The following SLAMF6 variants were observed in gnomAD, a reference collection of about 807,000 sequenced individuals.
The protein encoded by SLAMF6 is NK-T-B-antigen.
Under a neutral mutation model 38.3 loss-of-function variants are expected in SLAMF6, and 21 were observed. The observed-to-expected ratio is 0.55, with a 90% confidence interval of 0.39 to 0.79. SLAMF6 has a LOEUF of 0.79. Among genes scored for constraint, SLAMF6 ranks in the 30% least tolerant of loss-of-function variants. The probability of loss-of-function intolerance (pLI) is 0.00; values close to 1 mark genes in which losing one functional copy is unlikely to be tolerated. For missense variants in SLAMF6, 341 were observed against 385.3 expected (o/e 0.89, Z 0.96); for synonymous variants, 152 against 146.3 (o/e 1.04, Z -0.28).
chr1:160,510,481 A>T (rs890786468), intron 1 of SLAMF6, among the ~76,000 whole-genome samples: 1 of 152,204 alleles, frequency 6.6e-6, no homozygotes, highest in African/African-American at 2.4e-5. Flanking sequence ...CAGAATGAAG[A>T]AAAATAGACT....
At chr1:160,498,433 C>T (rs1653710957) in intron 1 of SLAMF6, among the ~76,000 whole-genome samples, 1 of 152,098 alleles carries the variant, frequency 6.6e-6, no homozygotes, top group Non-Finnish European at 1.5e-5. Flanking sequence ...CTGGGGAGGC[C>T]ATGGCACTCA....
intron 2 of SLAMF6, among the ~76,000 whole-genome samples, chr1:160,493,207 G>A (rs554635867): frequency 1.3e-5 from 2 of 152,186 alleles, no homozygotes; most frequent in South Asian, 2.1e-4. Flanking sequence ...TGGACGTTTG[G>A]CCTCCTTGGT....
chr1:160,521,380 T>C (rs1424278491), intron 1 of SLAMF6, among the ~76,000 whole-genome samples: 2 of 152,152 alleles, frequency 1.3e-5, no homozygotes, highest in African/African-American at 2.4e-5. Flanking sequence ...GTATATTTCA[T>C]AGGGTCATTA....
At chr1:160,498,469 A>G (rs1653712909) in intron 1 of SLAMF6, among the ~76,000 whole-genome samples, 1 of 152,140 alleles carries the variant, frequency 6.6e-6, no homozygotes, top group Non-Finnish European at 1.5e-5. Flanking sequence ...GTGAAGGAGG[A>G]GCAAAGTCAC....
intron 1 of SLAMF6, among the ~76,000 whole-genome samples, chr1:160,508,295 T>C (rs1247918290): frequency 6.6e-6 from 1 of 152,190 alleles, no homozygotes; most frequent in East Asian, 1.9e-4. Flanking sequence ...AGCATGGTAC[T>C]GGTACCAAAA....
chr1:160,518,733 A>G (rs1398911485), intron 1 of SLAMF6, among the ~76,000 whole-genome samples: 1 of 152,062 alleles, frequency 6.6e-6, no homozygotes, highest in Non-Finnish European at 1.5e-5. Context: ...ACATGGACAC[A>G]AGAAGGGGAA....
At chr1:160,501,748 T>C (rs2102038347) in intron 1 of SLAMF6, among the ~76,000 whole-genome samples, 1 of 152,030 alleles carries the variant, frequency 6.6e-6, no homozygotes, top group South Asian at 2.1e-4. Flanking sequence ...ATGCCTTTCT[T>C]CATCTTTCCT....
intron 1 of SLAMF6, among the ~76,000 whole-genome samples, chr1:160,504,103 AG>A (rs1299846838): frequency 2.0e-5 from 3 of 151,902 alleles, no homozygotes; most frequent in East Asian, 3.9e-4. Flanking sequence ...TGGTTATCAG[AG>A]GTGGAGAGAG....
intron 4 of SLAMF6, 37 bp from the exon 5 acceptor site, chr1:160,490,273 G>T: frequency 1.2e-6 from 2 of 1,612,542 alleles, no homozygotes; most frequent in Non-Finnish European, 1.7e-6. Flanking sequence ...ATGTGTGACA[G>T]CAGTGGGAGA....
Position 160,486,846 on chromosome 1 carries a change from GAGAGGCAGATAAT to G in SLAMF6, c.952-105_952-93del. The G allele has an allele frequency of 2.1e-6, 3 of 1,423,818 alleles. No individual in the cohort carries two copies. The South Asian group carries it at 3.5e-5, about 17-fold the overall frequency. The allele number at this position is 1,423,818 out of a possible 1,614,324, so 88.2% of individuals were successfully genotyped here. ...TACAGAGAGAGGACTGGAGACTACA[GAGAGGCAGATAAT>G]AGAGATATTGATAGCATAGGGCAGG... On this transcript the variant is annotated intron_variant, in intron 7 of 7. Coordinates refer to ENST00000368057, the MANE Select transcript of SLAMF6 (RefSeq NM_001184714.2).
chr1:160,507,069 T>C (rs1654225660), intron 1 of SLAMF6, among the ~76,000 whole-genome samples: 1 of 152,134 alleles, frequency 6.6e-6, no homozygotes, highest in African/African-American at 2.4e-5. Flanking sequence ...GTAAATGAAT[T>C]GAACTCTTCA....
chr1:160,503,372 T>C (rs78573911), intron 1 of SLAMF6, among the ~76,000 whole-genome samples: 340 of 152,190 alleles, frequency 2.2e-3, no homozygotes, highest in African/African-American at 8.0e-3. Flanking sequence ...CATCCAGTTT[T>C]GCATTGGCTG....
chr1:160,494,717 A>C (rs1176853464), intron 2 of SLAMF6, among the ~76,000 whole-genome samples: 2 of 152,142 alleles, frequency 1.3e-5, no homozygotes, highest in African/African-American at 4.8e-5. Context: ...ATGCAGCCAC[A>C]AGCCAAAGAA....
rs778621615 is a variant in SLAMF6, at chr1:160,491,379, C to T, written c.392G>A (p.Arg131Lys). The T allele has an allele frequency of 2.1e-5, 34 of 1,611,374 alleles. No individual in the cohort carries two copies. Among genetic ancestry groups the T allele is most frequent in the Non-Finnish European group, 2.9e-5 (34 of 1,178,352 alleles). Reference sequence around the variant, plus strand: ...ACTGTGATTGGTAACTTGTATGTTCCTCAGTTGTCCTGTTTGCAGAAAAAA... The same window carrying T: ...ACTGTGATTGGTAACTTGTATGTTCTTCAGTTGTCCTGTTTGCAGAAAAAA... ...SYTLRILRQL[R>K]NIQVTNHSQL... Residue 131 changes from arginine (R) to lysine (K), a missense_variant, in exon 3 of 8, where the codon AGG (arginine) becomes AAG (lysine). Transcript: ENST00000368057.
At chr1:160,495,247 G>A (rs1380989348) in intron 2 of SLAMF6, among the ~76,000 whole-genome samples, 1 of 152,072 alleles carries the variant, frequency 6.6e-6, no homozygotes, top group African/African-American at 2.4e-5. Context: ...AATGTTTTCT[G>A]GTCTGATTGC....
rs1351136084 is a variant in SLAMF6 at position 160,515,027 on chromosome 1, G to T, written c.49+8117C>A. On this transcript the variant is annotated intron_variant, in intron 1 of 7. Coordinates refer to ENST00000368057, the MANE Select transcript of SLAMF6 (RefSeq NM_001184714.2). Reference sequence around the variant, plus strand: ...GATCAAAGCAGAACTGAAGGAGATAGATAAAAGAAGAATGCTTCAAAAAAA... The same window carrying T: ...GATCAAAGCAGAACTGAAGGAGATATATAAAAGAAGAATGCTTCAAAAAAA... Among the ~76,000 whole-genome samples the T allele has an allele frequency of 3.3e-5, 5 of 152,156 alleles. No individual in the cohort carries two copies. The East Asian group carries it at 7.7e-4, about 23-fold the overall frequency.
At chr1:160,506,958 T>C (rs2102049724) in intron 1 of SLAMF6, among the ~76,000 whole-genome samples, 1 of 151,620 alleles carries the variant, frequency 6.6e-6, no homozygotes, top group East Asian at 1.9e-4. Context: ...CATGAAAGAA[T>C]AGAATAGTGG....
chr1:160,514,915 A>G (rs1358935899), intron 1 of SLAMF6, among the ~76,000 whole-genome samples: 1 of 152,196 alleles, frequency 6.6e-6, no homozygotes, highest in Non-Finnish European at 1.5e-5. Flanking sequence ...AAAGATCTCA[A>G]ATTGAAATGC....
intron 2 of SLAMF6, among the ~76,000 whole-genome samples, chr1:160,492,159 A>G (rs889323705): frequency 6.6e-6 from 1 of 152,168 alleles, no homozygotes; most frequent in African/African-American, 2.4e-5. Context: ...CTGTGAACCA[A>G]TGGGAACATG....
Sources: gnomAD v4.1 joint callset for allele counts (sites outside exome capture counted in the v4.1 genomes callset) on GRCh38, gnomAD v4.1.1 for gene constraint, MANE v1.5 for transcripts, NCBI Gene and HGNC (gene_info 2026-07-23, HGNC 2026-07-21) for gene names.